Variants in PTPRM observed in about 807,000 individuals in gnomAD.
The protein encoded by PTPRM is receptor-type tyrosine-protein phosphatase mu.
A neutral mutation model predicts 186.7 loss-of-function variants in PTPRM; 47 were observed. That is an observed-to-expected ratio of 0.25 (90% confidence interval 0.20 to 0.32). The LOEUF (loss-of-function observed/expected upper bound fraction) is 0.32. Among genes scored for constraint, PTPRM ranks in the 10% least tolerant of loss-of-function variants. The pLI is 1.00. For synonymous variants in PTPRM, 668 were observed against 674.9 expected (o/e 0.99, Z 0.16); for missense variants, 1,494 against 1,865.0 (o/e 0.80, Z 3.66).
At chr18:7,625,139 T>C (rs2038030400) in intron 1 of PTPRM, among the ~76,000 whole-genome samples, 1 of 152,198 alleles carries the variant, frequency 6.6e-6, no homozygotes, top group Non-Finnish European at 1.5e-5. Context: ...AAATCTTTCA[T>C]GAAAAAAGCT....
chr18:7,719,048 A>G (rs1039333168), intron 1 of PTPRM, among the ~76,000 whole-genome samples: 2 of 152,216 alleles, frequency 1.3e-5, no homozygotes, highest in African/African-American at 4.8e-5. Context: ...ACTACTGGGT[A>G]TTTACCTAAT....
At chr18:7,743,758 G>A (rs1164055543) in intron 1 of PTPRM, among the ~76,000 whole-genome samples, 13 of 152,058 alleles carry the variant, frequency 8.5e-5, no homozygotes, top group Admixed American at 7.2e-4. Context: ...TCAGTAAGCC[G>A]GTTTATAGAG....
At position 8,084,382 on chromosome 18, in the gene PTPRM, T is replaced by C. The variant is rs549602978; in HGVS notation, c.1552-1289T>C. Among the ~76,000 whole-genome samples the C allele has an allele frequency of 1.4e-4, 21 of 152,074 alleles. No homozygotes were observed. In the South Asian group the frequency reaches 4.4e-3, roughly 32 times the overall value. On this transcript the variant is annotated intron_variant, in intron 9 of 32. Transcript: ENST00000580170. Reference sequence around the variant, plus strand: ...CGTCCTTCGCTCAGCCACTAGGGGGTAGATTGGCTTTGTCTCTTCTTGACT... The same window carrying C: ...CGTCCTTCGCTCAGCCACTAGGGGGCAGATTGGCTTTGTCTCTTCTTGACT...
intron 1 of PTPRM, among the ~76,000 whole-genome samples, chr18:7,583,729 C>T (rs2036905619): frequency 1.3e-5 from 2 of 152,160 alleles, no homozygotes; most frequent in Admixed American, 1.3e-4. Flanking sequence ...GGTTACAAAT[C>T]CCGTAGATAG....
chr18:7,605,857 A>C (rs776857352), intron 1 of PTPRM, among the ~76,000 whole-genome samples: 7 of 152,190 alleles, frequency 4.6e-5, no homozygotes, highest in Non-Finnish European at 7.3e-5. Context: ...GCACAGACCA[A>C]GAGCTGACAT....
Position 7,949,364 on chromosome 18 carries a change from T to C in PTPRM, c.838+9T>C. On this transcript the variant is annotated intron_variant, in intron 6 of 32. Coordinates refer to ENST00000580170, the MANE Select transcript of PTPRM (RefSeq NM_001105244.2). ...AGAGTTGGTAGTTAAAGGTATTTAA[T>C]GTGTTTTTATACCAGAATATTCTTC... The C allele has an allele frequency of 6.2e-7, 1 of 1,601,056 alleles. No homozygotes were observed. The highest frequency in any genetic ancestry group is 8.5e-7 in the Non-Finnish European group (1 of 1,169,986).
intron 1 of PTPRM, among the ~76,000 whole-genome samples, chr18:7,659,334 A>G (rs1265021277): frequency 6.6e-6 from 1 of 152,126 alleles, no homozygotes; most frequent in Non-Finnish European, 1.5e-5. Flanking sequence ...AATGTCTGGC[A>G]CTTAGGATAT....
chr18:8,196,209 G>A lies in PTPRM; in HGVS notation c.2301-47849G>A, dbSNP rs114248735. Among the ~76,000 whole-genome samples the A allele has an allele frequency of 3.3e-3, 508 of 152,316 alleles. 2 individuals carry two copies. Among genetic ancestry groups the A allele is most frequent in the African/African-American group, 0.012 (483 of 41,570 alleles). On this transcript the variant is annotated intron_variant, in intron 14 of 32. Coordinates refer to ENST00000580170, the MANE Select transcript of PTPRM (RefSeq NM_001105244.2). ...TCAGCATTTCTTAAGAACTCGGGGA[G>A]TGGGGCCTGTCACCTTAATCCCTTT... is the stretch of plus-strand genomic sequence containing the variant.
At chr18:8,314,051 A>G (rs937387278) in intron 20 of PTPRM, among the ~76,000 whole-genome samples, 1 of 152,244 alleles carries the variant, frequency 6.6e-6, no homozygotes, top group Non-Finnish European at 1.5e-5. Context: ...AGATACATCA[A>G]TAGTATTTGC....
chr18:8,379,524 T>C (rs999468461), intron 28 of PTPRM, among the ~76,000 whole-genome samples, 184 bp downstream of exon 28: 1 of 152,208 alleles, frequency 6.6e-6, no homozygotes, highest in Non-Finnish European at 1.5e-5. Flanking sequence ...ATATCCTTCG[T>C]TTCTCAAAGA....
intron 7 of PTPRM, among the ~76,000 whole-genome samples, chr18:8,012,527 G>T (rs192885048): frequency 2.6e-5 from 4 of 152,168 alleles, no homozygotes; most frequent in Admixed American, 2.6e-4. Flanking sequence ...ACACCTACAT[G>T]GTTGAGCCTA....
intron 1 of PTPRM, among the ~76,000 whole-genome samples, chr18:7,721,294 A>C (rs1311851578): frequency 6.6e-6 from 1 of 151,982 alleles, no homozygotes; most frequent in Non-Finnish European, 1.5e-5. Context: ...TGTCTATTCA[A>C]GTCCTTTGGC....
At chr18:7,787,366 T>C (rs753601400) in intron 2 of PTPRM, among the ~76,000 whole-genome samples, 2 of 152,238 alleles carry the variant, frequency 1.3e-5, no homozygotes, top group Non-Finnish European at 2.9e-5. Context: ...CGTTGTTGAA[T>C]GACTGCTTCC....
At chr18:7,828,970 C>T (rs559177933) in intron 2 of PTPRM, among the ~76,000 whole-genome samples, 1 of 152,182 alleles carries the variant, frequency 6.6e-6, no homozygotes, top group Admixed American at 6.5e-5. Context: ...TTTGGTCTGG[C>T]CTCTAGTTAG....
intron 1 of PTPRM, among the ~76,000 whole-genome samples, chr18:7,708,355 T>C (rs1177760275): frequency 3.3e-5 from 5 of 152,232 alleles, no homozygotes; most frequent in African/African-American, 1.2e-4. Context: ...AATTATCCTT[T>C]TCTAAAAAGA....
Position 8,378,254 on chromosome 18 carries a change from TC to T in PTPRM, c.3463-9del, listed in dbSNP as rs2095709083. 6.2e-7 allele frequency: 1 copy of T among 1,605,208 alleles called. No individual in the cohort carries two copies. Reference sequence around the variant, plus strand: ...TCTAAAGTTAGTAACTCGTTCCATCTCCTTCTCCAGGAGCAGTATGTGTTTA... The same window carrying T: ...TCTAAAGTTAGTAACTCGTTCCATCTCTTCTCCAGGAGCAGTATGTGTTTA... On this transcript the variant is annotated splice_polypyrimidine_tract_variant and intron_variant, in intron 26 of 32. Coordinates refer to ENST00000580170, the MANE Select transcript of PTPRM (RefSeq NM_001105244.2).
intron 23 of PTPRM, 112 bp from the exon 24 acceptor site, chr18:8,370,778 A>C (rs1237100241): frequency 3.3e-6 from 2 of 606,958 alleles, no homozygotes; most frequent in Non-Finnish European, 2.9e-6. Context: ...TTGAGTATAC[A>C]ATTAACTTTT....
rs114410989 is a variant in PTPRM, at chr18:7,731,339, A to G, written c.74-42810A>G. Among the ~76,000 whole-genome samples the G allele has an allele frequency of 5.7e-3, 873 of 152,326 alleles. 8 individuals carry two copies. The highest frequency in any genetic ancestry group is 0.02 in the African/African-American group (838 of 41,566). On this transcript the variant is annotated intron_variant, in intron 1 of 32. Coordinates refer to ENST00000580170, the MANE Select transcript of PTPRM (RefSeq NM_001105244.2). ...AATGGAGAAGTATTCTTAGGATGCA[A>G]TGGTATAAAATAGTATCTTATCCTT... is the stretch of plus-strand genomic sequence containing the variant.
intron 1 of PTPRM, among the ~76,000 whole-genome samples, chr18:7,607,736 T>C (rs1462008253): frequency 2.6e-5 from 4 of 152,204 alleles, no homozygotes; most frequent in Non-Finnish European, 5.9e-5. Flanking sequence ...AAGATGTCAC[T>C]TTCCTAAAAT....
Sources: allele counts gnomAD v4.1 joint callset (sites outside exome capture counted in the v4.1 genomes callset), GRCh38; gene constraint gnomAD v4.1.1; transcripts MANE v1.5; gene names NCBI Gene and HGNC (gene_info 2026-07-23, HGNC 2026-07-21).